Variants in DCDC1 observed in about 807,000 individuals in gnomAD.
DCDC1 encodes doublecortin domain containing 1.
A neutral mutation model predicts 178.3 loss-of-function variants in DCDC1; 200 were observed. That is an observed-to-expected ratio of 1.12 (90% CI 1.00 to 1.26). DCDC1 has a LOEUF of 1.26. Among genes scored for constraint, DCDC1 ranks in the 50% most tolerant of loss-of-function variants. The pLI, the probability that DCDC1 is intolerant of heterozygous loss-of-function variation, is 0.00. For synonymous variants in DCDC1, 690 were observed against 604.8 expected (o/e 1.14, Z -2.07); for missense variants, 1,983 against 1,749.2 (o/e 1.13, Z -2.38).
At chr11:31,294,864 A>AAGAG (rs1947571102) in intron 6 of DCDC1, among the ~76,000 whole-genome samples, 2 of 147,940 alleles carry the variant, frequency 1.4e-5, no homozygotes, top group African/African-American at 5.0e-5. Context: ...GAAAGAAAGA[A>AAGAG]AGAAAAAGAA....
At chr11:31,073,243 TTG>T (rs747204554) in intron 18 of DCDC1, among the ~76,000 whole-genome samples, 3 of 152,108 alleles carry the variant, frequency 2.0e-5, no homozygotes, top group Non-Finnish European at 2.9e-5. Flanking sequence ...TGAAAATAAT[TTG>T]TGTTTGAAGC....
At chr11:31,053,674 A>T (rs561548153) in intron 20 of DCDC1, among the ~76,000 whole-genome samples, 31 of 152,306 alleles carry the variant, frequency 2.0e-4, no homozygotes, top group Non-Finnish European at 4.4e-4. Context: ...AACATACACA[A>T]GTCAATAAAT....
intron 16 of DCDC1, among the ~76,000 whole-genome samples, chr11:31,092,241 A>T (rs1428244762): frequency 6.6e-6 from 1 of 152,202 alleles, no homozygotes; most frequent in Admixed American, 6.5e-5. Context: ...CCTTTTTAGC[A>T]TATACTTTAT....
intron 7 of DCDC1, among the ~76,000 whole-genome samples, chr11:31,274,182 A>G (rs900367225): frequency 1.2e-4 from 18 of 152,312 alleles, no homozygotes; most frequent in African/African-American, 4.1e-4. Flanking sequence ...GTTTATCAAG[A>G]TAAGTTCTAG....
chr11:31,185,242 C>T (rs898780525), intron 9 of DCDC1, among the ~76,000 whole-genome samples: 4 of 152,080 alleles, frequency 2.6e-5, no homozygotes, highest in Non-Finnish European at 4.4e-5. Flanking sequence ...GAGAACATCA[C>T]ACACAGGGGC....
At chr11:31,281,632 A>T (rs1946440700) in intron 7 of DCDC1, among the ~76,000 whole-genome samples, 1 of 151,992 alleles carries the variant, frequency 6.6e-6, no homozygotes, top group Non-Finnish European at 1.5e-5. Flanking sequence ...GTACTCCCAT[A>T]ATTCCGTTTT....
Position 31,250,421 on chromosome 11 carries a change from C to CATATATATATATATACATATAT in DCDC1, c.1055-8806_1055-8805insATATATGTATATATATATATAT. On this transcript the variant is annotated intron_variant, in intron 8 of 38. Transcript: ENST00000684477. ...ACACACACACACACACACACATATA[C>CATATATATATATATACATATAT]ATATATATGTATATATATATATATC... 1.1e-4 allele frequency among the ~76,000 whole-genome samples: 6 copies of CATATATATATATATACATATAT among 52,864 alleles called. 1 individual carries two copies. The highest frequency in any genetic ancestry group is 1.5e-4 in the African/African-American group (3 of 19,548). The allele number at this position is 52,864 out of a possible 152,430, so 34.7% of individuals were successfully genotyped here. A position where few individuals can be genotyped will look rare whatever the true frequency, so the allele number is the denominator to read the frequency against.
intron 1 of DCDC1, among the ~76,000 whole-genome samples, chr11:31,351,782 C>T (rs1441291211): frequency 6.6e-6 from 1 of 152,102 alleles, no homozygotes; most frequent in South Asian, 2.1e-4. Context: ...GCTGAAAGCC[C>T]TTTTGATCCC....
At chr11:31,308,005 C>A (rs1948565583) in intron 3 of DCDC1, 97 bp from the exon 4 acceptor site, 1 of 1,466,922 alleles carries the variant, frequency 6.8e-7, no homozygotes, top group African/African-American at 1.4e-5. Context: ...ATGTGCTACA[C>A]AAAATACTAC....
At chr11:30,891,039 C>G (rs1348675655) in intron 36 of DCDC1, among the ~76,000 whole-genome samples, 4 of 152,076 alleles carry the variant, frequency 2.6e-5, no homozygotes, top group Non-Finnish European at 4.4e-5. Context: ...ATATGTACAG[C>G]CAAATTGTCT....
chr11:31,288,003 G>A (rs1454830415), intron 7 of DCDC1, among the ~76,000 whole-genome samples: 1 of 149,852 alleles, frequency 6.7e-6, no homozygotes, highest in Non-Finnish European at 1.5e-5. Flanking sequence ...AGCAAACCAA[G>A]CAAAAAACCA....
At chr11:31,054,328 A>G (rs1173546364) in intron 20 of DCDC1, among the ~76,000 whole-genome samples, 1 of 152,184 alleles carries the variant, frequency 6.6e-6, no homozygotes, top group Non-Finnish European at 1.5e-5. Flanking sequence ...CACTGCTGAA[A>G]TAAATCATAG....
At chr11:31,044,318 A>C (rs1303685258) in intron 20 of DCDC1, among the ~76,000 whole-genome samples, 1 of 152,116 alleles carries the variant, frequency 6.6e-6, no homozygotes, top group Non-Finnish European at 1.5e-5. Flanking sequence ...TCTGCTAAAA[A>C]TACAAAAAAT....
In DCDC1 at chr11:31,230,924, A is replaced by C. The variant is rs531095814; in HGVS notation, c.1221+10526T>G. On this transcript the variant is annotated intron_variant, in intron 9 of 38. Transcript: ENST00000684477. ...CATTTTTTTTAATAAAACATGAAAAAAACTCTTCTTTAACATTCAGGAAGT... is the reference window on the plus strand; with the variant it reads ...CATTTTTTTTAATAAAACATGAAAACAACTCTTCTTTAACATTCAGGAAGT... 7.9e-5 allele frequency among the ~76,000 whole-genome samples: 12 copies of C among 152,112 alleles called. No individual in the cohort carries two copies. In the South Asian group the frequency reaches 2.5e-3, roughly 32 times the overall value.
At chr11:31,248,526 AG>A (rs1943738801) in intron 8 of DCDC1, among the ~76,000 whole-genome samples, 1 of 152,102 alleles carries the variant, frequency 6.6e-6, no homozygotes, top group African/African-American at 2.4e-5. Context: ...AATAATACCC[AG>A]AACAAACATA....
intron 20 of DCDC1, among the ~76,000 whole-genome samples, chr11:30,998,358 C>G (rs549997226): frequency 9.9e-5 from 15 of 152,196 alleles, no homozygotes; most frequent in African/African-American, 3.6e-4. Flanking sequence ...AAAGACACAG[C>G]AGGAACCAAC....
intron 36 of DCDC1, chr11:30,883,573 C>A: frequency 3.1e-6 from 1 of 325,732 alleles, no homozygotes; most frequent in East Asian, 1.1e-4. Flanking sequence ...TATTACAAAG[C>A]AAAAAGTGTG....
intron 32 of DCDC1, 44 bp from the exon 33 acceptor site, chr11:30,900,542 G>T (rs770829767): frequency 2.2e-6 from 3 of 1,365,874 alleles, no homozygotes; most frequent in South Asian, 3.8e-5. Context: ...AACGAATAAT[G>T]AATAAATTTG....
At chr11:31,208,817 C>G (rs1269758041) in intron 9 of DCDC1, among the ~76,000 whole-genome samples, 2 of 152,186 alleles carry the variant, frequency 1.3e-5, no homozygotes, top group African/African-American at 2.4e-5. Context: ...CTGGATCTTT[C>G]TTATCATTCA....
Sources: allele counts gnomAD v4.1 joint callset (sites outside exome capture counted in the v4.1 genomes callset), GRCh38; gene constraint gnomAD v4.1.1; transcripts MANE v1.5; gene names NCBI Gene and HGNC (gene_info 2026-07-23, HGNC 2026-07-21).